METTL21C: variants seen among roughly 807,000 people sequenced by gnomAD.
METTL21C encodes protein-lysine methyltransferase METTL21C.
METTL21C carries 21 observed loss-of-function variants against 25.9 expected under a neutral mutation model. That is an observed-to-expected ratio of 0.81 (90% CI 0.58 to 1.17). The LOEUF is 1.17. Ranked by LOEUF, METTL21C falls within the 50% of genes most tolerant of loss-of-function variation. The pLI is 0.00. For missense variants in METTL21C, 312 were observed against 315.1 expected, an observed-to-expected ratio of 0.99 and a Z score of 0.07; for synonymous variants, 125 against 124.7, an observed-to-expected ratio of 1.00 and a Z score of -0.01.
At position 102,690,905 on chromosome 13, in the gene METTL21C, C is replaced by T. The variant is rs760769841; in HGVS notation, c.190G>A (p.Ala64Thr). Residue 64 changes from alanine to threonine, a missense_variant, in exon 2 of 4, where the codon GCC (alanine) becomes ACC (threonine). Physicochemically the swap from Ala to Thr is moderately conservative, Grantham distance 58. Transcript: ENST00000267273. The stretch of plus-strand genomic sequence containing the variant: ...CGATAATGCTCCTGAGTGTAGCTGG[C>T]GTAATCTGTAGGAACAAATTTCTGG... ...SLQKFVPTDY[A>T]SYTQEHYRFA... 42 of 1,613,910 alleles carry T rather than the reference C, an allele frequency of 2.6e-5. No individual in the cohort carries two copies. The highest frequency in any genetic ancestry group is 6.6e-5 in the South Asian group (6 of 91,070).
chr13:102,690,725 G>C, intron 2 of METTL21C, 88 bp downstream of exon 2: 1 of 1,474,106 alleles, frequency 6.8e-7, no homozygotes, highest in Non-Finnish European at 9.2e-7. Flanking sequence ...GGATATGAAG[G>C]AACTTGACAA....
chr13:102,689,092 TA>T (rs113078555), intron 2 of METTL21C, among the ~76,000 whole-genome samples: 15 of 146,650 alleles, frequency 1.0e-4, no homozygotes, highest in Non-Finnish European at 1.8e-4. Context: ...ATCTTTTTTT[TA>T]AAATTATTAT....
At chr13:102,697,180 A>G (rs1409113864), upstream of METTL21C, among the ~76,000 whole-genome samples, 1 of 152,192 alleles carries the variant, frequency 6.6e-6, no homozygotes, top group Non-Finnish European at 1.5e-5. Context: ...CAAAGGCTCA[A>G]TAAGGAGGCT....
chr13:102,686,846 C>T, intron 3 of METTL21C, 94 bp downstream of exon 3: 1 of 970,074 alleles, frequency 1.0e-6, no homozygotes, highest in Non-Finnish European at 1.6e-6. Context: ...AAGTTAGGGC[C>T]AGGCACCTAA....
chr13:102,703,608 G>A, the METTL21C span, among the ~76,000 whole-genome samples: 1 of 152,216 alleles, frequency 6.6e-6, no homozygotes, highest in Non-Finnish European at 1.5e-5. Flanking sequence ...GCTCGTTACA[G>A]CACAGTGAAG....
chr13:102,688,979 C>T (rs1427317090), intron 2 of METTL21C, among the ~76,000 whole-genome samples: 1 of 152,220 alleles, frequency 6.6e-6, no homozygotes, highest in East Asian at 1.9e-4. Flanking sequence ...CCTTCTTGTG[C>T]AGCTTTCAGG....
intron 3 of METTL21C, 109 bp downstream of exon 3, chr13:102,686,831 G>T: frequency 2.5e-6 from 2 of 794,228 alleles, no homozygotes; most frequent in Non-Finnish European, 4.3e-6. Flanking sequence ...GAGAGTCACT[G>T]AGTGAAGTTA....
the METTL21C span, among the ~76,000 whole-genome samples, chr13:102,702,473 A>T: frequency 1.3e-5 from 2 of 152,228 alleles, no homozygotes; most frequent in African/African-American, 2.4e-5. Context: ...ACGAAGTTTC[A>T]TGTTTGTAGA....
chr13:102,690,631 G>T (rs1170534561), intron 2 of METTL21C, among the ~76,000 whole-genome samples, 182 bp downstream of exon 2: 1 of 151,916 alleles, frequency 6.6e-6, no homozygotes, highest in African/African-American at 2.4e-5. Context: ...CAGTGTTTCT[G>T]AAAGAAACAC....
At chr13:102,688,001 A>G (rs900382056) in intron 2 of METTL21C, among the ~76,000 whole-genome samples, 1 of 152,190 alleles carries the variant, frequency 6.6e-6, no homozygotes, top group Non-Finnish European at 1.5e-5. Context: ...AGAGATTAGG[A>G]AGAGTTATGA....
At chr13:102,692,570 T>C (rs1477812139) in intron 1 of METTL21C, among the ~76,000 whole-genome samples, 3 of 149,996 alleles carry the variant, frequency 2.0e-5, no homozygotes, top group Admixed American at 2.0e-4. Flanking sequence ...TGCAGCACAC[T>C]AAAAAAAAAA....
rs897183940 is a variant in METTL21C, at chr13:102,694,138, G to C, written c.130+231C>G. Reference sequence around the variant, plus strand: ...ATCTATACATAGAAAAAAAACAAATGTGCAAACTTTGATAAGTAATGAAAA... The same window carrying C: ...ATCTATACATAGAAAAAAAACAAATCTGCAAACTTTGATAAGTAATGAAAA... On this transcript the variant is annotated intron_variant, in intron 1 of 3. Coordinates refer to ENST00000267273, the MANE Select transcript of METTL21C (RefSeq NM_001010977.3). Among the ~76,000 whole-genome samples, 2 of 151,990 alleles carry C rather than the reference G, an allele frequency of 1.3e-5. 1 individual carries two copies. Among genetic ancestry groups the C allele is most frequent in the Non-Finnish European group, 2.9e-5 (2 of 67,998 alleles).
At chr13:102,686,762 CTG>C (rs755094142) in intron 3 of METTL21C, among the ~76,000 whole-genome samples, 176 bp downstream of exon 3, 2 of 152,196 alleles carry the variant, frequency 1.3e-5, no homozygotes, top group Non-Finnish European at 2.9e-5. Flanking sequence ...ATTAACCTCT[CTG>C]AGACTCAATG....
chr13:102,704,050 C>A, the METTL21C span, among the ~76,000 whole-genome samples: 4 of 151,408 alleles, frequency 2.6e-5, no homozygotes, highest in African/African-American at 9.6e-5. Context: ...AAGCAGCAAA[C>A]AAACTGTCAC....
intron 2 of METTL21C, among the ~76,000 whole-genome samples, chr13:102,689,642 C>A (rs548195257): frequency 2.0e-5 from 3 of 152,334 alleles, no homozygotes; most frequent in African/African-American, 7.2e-5. Flanking sequence ...TGGAGCCTTT[C>A]TAATCACTGA....
In METTL21C at chr13:102,690,048, G is replaced by C. The variant is rs376171446; in HGVS notation, c.282+765C>G. On this transcript the variant is annotated intron_variant, in intron 2 of 3. Transcript: ENST00000267273. ...CCCCCATTTCAGCGCCATCCTCTCA[G>C]GGCTGTGGCAGGGGTGACATGCCAC... Among the ~76,000 whole-genome samples the C allele has an allele frequency of 8.5e-5, 13 of 152,320 alleles. No individual in the cohort carries two copies. In the East Asian group the frequency reaches 2.3e-3, roughly 27 times the overall value.
At chr13:102,687,152 G>A (rs986111249) in intron 2 of METTL21C, 95 bp from the exon 3 acceptor site, 2 of 857,988 alleles carry the variant, frequency 2.3e-6, no homozygotes, top group African/African-American at 3.4e-5. Context: ...TAAAAGACAT[G>A]TTATTACATA....
intron 1 of METTL21C, 148 bp downstream of exon 1, chr13:102,694,221 G>C (rs1022940973): frequency 1.1e-5 from 9 of 807,118 alleles, no homozygotes; most frequent in African/African-American, 1.8e-5. Flanking sequence ...GTTTATACTT[G>C]CAAAACATTT....
At position 102,694,894 on chromosome 13, in the gene METTL21C, TCTCTCTCA is replaced by T. The variant is rs1306331238; in HGVS notation, c.-404_-397del. ...CTCTTTCTCTCTCTCTCTCTCTCTC[TCTCTCTCA>T]CACACACACACACACACACACACAC... is the stretch of plus-strand genomic sequence containing the variant. On this transcript the variant is annotated 5_prime_UTR_variant, in exon 1 of 4. The change abolishes the stop of an existing upstream ORF in the 5' untranslated region. Coordinates refer to ENST00000267273, the MANE Select transcript of METTL21C (RefSeq NM_001010977.3). Among the ~76,000 whole-genome samples the T allele has an allele frequency of 1.2e-4, 17 of 142,486 alleles. No individual in the cohort carries two copies. The highest frequency in any genetic ancestry group is 8.6e-4 in the East Asian group (4 of 4,656). 93.5% of individuals were successfully genotyped at this position (142,486 alleles called of 152,430 possible). A position where few individuals can be genotyped will look rare whatever the true frequency, so the allele number is the denominator to read the frequency against.
Sources: gnomAD v4.1 joint callset for allele counts (sites outside exome capture counted in the v4.1 genomes callset) on GRCh38, gnomAD v4.1.1 for gene constraint, MANE v1.5 for transcripts, NCBI Gene and HGNC (gene_info 2026-07-23, HGNC 2026-07-21) for gene names.